Variants in ARHGAP12 observed in about 807,000 individuals in gnomAD.
The protein encoded by ARHGAP12 is Rho GTPase activating protein 12.
Under a neutral mutation model 108.6 loss-of-function variants are expected in ARHGAP12, and 64 were observed. The ratio of observed to expected loss-of-function variants is 0.59; its 90% confidence interval spans 0.48 to 0.73. ARHGAP12 has a LOEUF of 0.73. Ranked by LOEUF, ARHGAP12 falls within the 30% of genes least tolerant of loss-of-function variation. The pLI, the probability that ARHGAP12 is intolerant of heterozygous loss-of-function variation, is 0.00. For missense variants in ARHGAP12, 940 were observed against 1,005.9 expected (o/e 0.93, Z 0.89); for synonymous variants, 312 against 337.2 (o/e 0.93, Z 0.82).
At chr10:31,865,877 CA>C (rs34210099) in intron 3 of ARHGAP12, among the ~76,000 whole-genome samples, 174 of 127,822 alleles carry the variant, frequency 1.4e-3, no homozygotes, top group African/African-American at 2.4e-3. Flanking sequence ...GACTCCGTCT[CA>C]AAAAAAAAAA....
chr10:31,880,382 G>A (rs1837897220), intron 3 of ARHGAP12, among the ~76,000 whole-genome samples: 1 of 152,098 alleles, frequency 6.6e-6, no homozygotes, highest in Non-Finnish European at 1.5e-5. Flanking sequence ...GCCAGGACAG[G>A]AGGACTGCTT....
intron 3 of ARHGAP12, among the ~76,000 whole-genome samples, chr10:31,891,886 T>C (rs1838455147): frequency 6.6e-6 from 1 of 152,238 alleles, no homozygotes; most frequent in Non-Finnish European, 1.5e-5. Flanking sequence ...ATACTAAAGC[T>C]TGTGCATTCG....
intron 3 of ARHGAP12, among the ~76,000 whole-genome samples, chr10:31,869,744 A>G (rs1026934302): frequency 8.5e-5 from 13 of 152,316 alleles, no homozygotes; most frequent in African/African-American, 2.9e-4. Context: ...TTATCCACTG[A>G]AAAGAAAAAT....
intron 4 of ARHGAP12, among the ~76,000 whole-genome samples, chr10:31,855,130 G>A (rs1836841258): frequency 1.1e-5 from 1 of 90,956 alleles, no homozygotes; most frequent in Non-Finnish European, 2.1e-5. Context: ...GGGAGGGGGA[G>A]AAGGGGAGGG....
chr10:31,821,801 G>A (rs1296288241), intron 11 of ARHGAP12, among the ~76,000 whole-genome samples: 7 of 152,118 alleles, frequency 4.6e-5, no homozygotes, highest in Non-Finnish European at 1.0e-4. Context: ...AATAGAAATT[G>A]TAACTGTATT....
At chr10:31,839,013 C>T (rs1160608748) in intron 9 of ARHGAP12, among the ~76,000 whole-genome samples, 2 of 151,764 alleles carry the variant, frequency 1.3e-5, no homozygotes, top group African/African-American at 4.8e-5. Context: ...GCAACCATGT[C>T]TCTATTTAAA....
intron 1 of ARHGAP12, among the ~76,000 whole-genome samples, chr10:31,918,927 TTGTATATC>T (rs1209429390): frequency 1.3e-5 from 2 of 152,212 alleles, no homozygotes; most frequent in African/African-American, 4.8e-5. Context: ...AAACAGATAT[TTGTATATC>T]CATGTTCACA....
At chr10:31,863,111 T>A (rs1378815586) in intron 3 of ARHGAP12, among the ~76,000 whole-genome samples, 1 of 152,200 alleles carries the variant, frequency 6.6e-6, no homozygotes, top group Non-Finnish European at 1.5e-5. Context: ...TTCTTACACA[T>A]GGTAGTTATA....
At chr10:31,824,273 T>A (rs1592256292) in intron 11 of ARHGAP12, among the ~76,000 whole-genome samples, 1 of 152,318 alleles carries the variant, frequency 6.6e-6, no homozygotes, top group East Asian at 1.9e-4. Flanking sequence ...TTACTGAGAC[T>A]ATAAAATGGT....
intron 1 of ARHGAP12, among the ~76,000 whole-genome samples, chr10:31,925,275 T>TTA (rs1264671952): frequency 6.6e-6 from 1 of 152,214 alleles, no homozygotes; most frequent in African/African-American, 2.4e-5. Flanking sequence ...GTACAAGTGA[T>TTA]TAATAATCTA....
chr10:31,920,227 C>T (rs1300496374), intron 1 of ARHGAP12, among the ~76,000 whole-genome samples: 4 of 151,436 alleles, frequency 2.6e-5, no homozygotes, highest in South Asian at 2.1e-4. Context: ...CAGAGGTGGG[C>T]GGATCACAAG....
intron 9 of ARHGAP12, 61 bp downstream of exon 9, chr10:31,839,244 T>A: frequency 6.6e-7 from 1 of 1,512,174 alleles, no homozygotes; most frequent in Non-Finnish European, 9.1e-7. Context: ...TGGCAATATA[T>A]TTTACAGCAT....
At chr10:31,885,537 G>A (rs561162808) in intron 3 of ARHGAP12, among the ~76,000 whole-genome samples, 1 of 152,112 alleles carries the variant, frequency 6.6e-6, no homozygotes, top group Non-Finnish European at 1.5e-5. Context: ...ACAGACAAAT[G>A]GCCAGGCATG....
Position 31,900,834 on chromosome 10 carries a change from T to C in ARHGAP12, c.684+7338A>G, listed in dbSNP as rs964102203. ...AAGAATGAACCCCAATGTATGCAAA[T>C]TTTTTTTTTAATGTAGGCATTTGAG... is the stretch of plus-strand genomic sequence containing the variant. On this transcript the variant is annotated intron_variant, in intron 3 of 19. Coordinates refer to ENST00000344936, the MANE Select transcript of ARHGAP12 (RefSeq NM_018287.7). Among the ~76,000 whole-genome samples the C allele has an allele frequency of 5.5e-5, 5 of 90,154 alleles. No homozygotes were observed. The Admixed American group carries it at 6.6e-4, about 12-fold the overall frequency. The allele number at this position is 90,154 out of a possible 152,430, so 59.1% of individuals were successfully genotyped here.
At chr10:31,918,084 T>C (rs992122087) in intron 1 of ARHGAP12, among the ~76,000 whole-genome samples, 7 of 151,980 alleles carry the variant, frequency 4.6e-5, no homozygotes, top group African/African-American at 1.5e-4. Context: ...GCCTCCTGAG[T>C]AGCTAGGACT....
intron 9 of ARHGAP12, among the ~76,000 whole-genome samples, chr10:31,833,294 A>T (rs1181530077): frequency 6.6e-6 from 1 of 151,378 alleles, no homozygotes; most frequent in African/African-American, 2.4e-5. Flanking sequence ...GAGAGGTGGG[A>T]ATTAAGCCCA....
intron 3 of ARHGAP12, among the ~76,000 whole-genome samples, chr10:31,887,844 C>G (rs145891877): frequency 6.6e-6 from 1 of 151,472 alleles, no homozygotes; most frequent in Admixed American, 6.6e-5. Flanking sequence ...TTTTTAGTAG[C>G]GACGGGGTTT....
intron 1 of ARHGAP12, among the ~76,000 whole-genome samples, chr10:31,917,473 C>G (rs1839612017): frequency 6.6e-6 from 1 of 152,180 alleles, no homozygotes; most frequent in Non-Finnish European, 1.5e-5. Flanking sequence ...TTTCGATCTC[C>G]TAACAACTTA....
At position 31,814,330 on chromosome 10, in the gene ARHGAP12, T is replaced by C; in HGVS notation, c.1763A>G (p.Glu588Gly). 1 of 1,614,042 alleles carries C rather than the reference T, an allele frequency of 6.2e-7. No homozygotes were observed. Among genetic ancestry groups the C allele is most frequent in the Non-Finnish European group, 8.5e-7 (1 of 1,179,930 alleles). ...TTCTATTCCTGGTGAATCCGGTATC[T>C]CCTCTTCAATTCCTTCATCAGTTTC... is the stretch of plus-strand genomic sequence containing the variant. The part of the protein sequence containing the change: ...AVETDEGIEE[E>G]IPDSPGIEKH... The change falls in exon 14 of 20, where the codon GAG becomes GGG. Residue 588 changes from glutamate (E) to glycine (G), a missense_variant. Coordinates refer to ENST00000344936, the MANE Select transcript of ARHGAP12 (RefSeq NM_018287.7).
Sources: gnomAD v4.1 joint callset for allele counts (sites outside exome capture counted in the v4.1 genomes callset) on GRCh38, gnomAD v4.1.1 for gene constraint, MANE v1.5 for transcripts, NCBI Gene and HGNC (gene_info 2026-07-23, HGNC 2026-07-21) for gene names.